VTI1A: variants seen among roughly 807,000 people sequenced by gnomAD.
VTI1A encodes the protein vesicle transport through interaction with t-SNAREs homolog 1A.
VTI1A carries 22 observed loss-of-function variants against 34.9 expected under a neutral mutation model. That is an observed-to-expected ratio of 0.63 (90% CI 0.45 to 0.90). VTI1A has a LOEUF of 0.90. Among genes scored for constraint, VTI1A ranks in the 40% least tolerant of loss-of-function variants. The pLI is 0.00. For synonymous variants in VTI1A, 87 were observed against 97.3 expected (o/e 0.89, Z 0.62); for missense variants, 268 against 275.6 (o/e 0.97, Z 0.20).
At chr10:112,682,956 C>T (rs1018391766) in intron 7 of VTI1A, among the ~76,000 whole-genome samples, 2 of 152,202 alleles carry the variant, frequency 1.3e-5, no homozygotes, top group Non-Finnish European at 2.9e-5. Context: ...GTTCCTCTTC[C>T]CTCTGCCCGC....
intron 5 of VTI1A, among the ~76,000 whole-genome samples, chr10:112,584,810 A>G (rs984831480): frequency 3.3e-5 from 5 of 152,218 alleles, no homozygotes; most frequent in Non-Finnish European, 7.3e-5. Context: ...GCCTCCTTAC[A>G]TGCAGTGAGT....
intron 7 of VTI1A, among the ~76,000 whole-genome samples, chr10:112,772,473 T>A (rs1279995248): frequency 6.6e-6 from 1 of 152,252 alleles, no homozygotes; most frequent in East Asian, 1.9e-4. Context: ...TCTGCAAACA[T>A]GTTCTCCTAT....
At chr10:112,784,291 CT>C (rs773916731) in intron 7 of VTI1A, among the ~76,000 whole-genome samples, 6 of 152,108 alleles carry the variant, frequency 3.9e-5, no homozygotes, top group African/African-American at 7.2e-5. Context: ...AAAGTAATTC[CT>C]GTTTTGTGAA....
At chr10:112,748,910 T>A (rs1199554829) in intron 7 of VTI1A, among the ~76,000 whole-genome samples, 1 of 152,192 alleles carries the variant, frequency 6.6e-6, no homozygotes, top group Non-Finnish European at 1.5e-5. Context: ...ATTACAGGCG[T>A]GAGCCACTGC....
At chr10:112,709,432 CCT>C (rs1283030547) in intron 7 of VTI1A, among the ~76,000 whole-genome samples, 1 of 152,074 alleles carries the variant, frequency 6.6e-6, no homozygotes, top group Admixed American at 6.5e-5. Flanking sequence ...TGCAATGCAG[CCT>C]CTACCTTCCT....
the VTI1A span, among the ~76,000 whole-genome samples, chr10:112,829,686 G>A: frequency 1.3e-5 from 2 of 152,206 alleles, no homozygotes; most frequent in South Asian, 4.1e-4. Flanking sequence ...CCCGGGAGGC[G>A]GAGGTTGCAG....
intron 3 of VTI1A, among the ~76,000 whole-genome samples, chr10:112,482,909 A>G (rs532308761): frequency 1.7e-4 from 26 of 152,328 alleles, no homozygotes; most frequent in African/African-American, 6.3e-4. Context: ...CACTAACTCA[A>G]GGTATTCTGT....
intron 7 of VTI1A, among the ~76,000 whole-genome samples, chr10:112,751,475 T>TAAAAA (rs11411829): frequency 3.0e-5 from 3 of 100,966 alleles, no homozygotes; most frequent in African/African-American, 1.1e-4. Context: ...ATTAACTGTT[T>TAAAAA]AAAAAAAAAA....
At chr10:112,519,794 T>C (rs1015994622) in intron 3 of VTI1A, among the ~76,000 whole-genome samples, 8 of 152,048 alleles carry the variant, frequency 5.3e-5, no homozygotes, top group Non-Finnish European at 1.2e-4. Flanking sequence ...TGAAACCTCA[T>C]GCGATAACTT....
At chr10:112,804,103 GGACTTATCAGTGGGCTCT>G (rs1852980362) in intron 7 of VTI1A, among the ~76,000 whole-genome samples, 1 of 152,218 alleles carries the variant, frequency 6.6e-6, no homozygotes, top group Non-Finnish European at 1.5e-5. Context: ...TAAACCCATC[GGACTTATCAGTGGGCTCT>G]GACAGGTACT....
intron 7 of VTI1A, among the ~76,000 whole-genome samples, chr10:112,806,373 C>T (rs994119406): frequency 1.3e-5 from 2 of 152,060 alleles, no homozygotes; most frequent in Non-Finnish European, 2.9e-5. Context: ...GCAACTTCCA[C>T]CTCCCGGGTT....
chr10:112,657,241 G>A (rs1847263662), intron 5 of VTI1A, among the ~76,000 whole-genome samples: 1 of 152,166 alleles, frequency 6.6e-6, no homozygotes, highest in Non-Finnish European at 1.5e-5. Context: ...GCATGTATGT[G>A]TAAGGCCTGT....
At chr10:112,586,423 A>C (rs1214394797) in intron 5 of VTI1A, among the ~76,000 whole-genome samples, 2 of 152,154 alleles carry the variant, frequency 1.3e-5, no homozygotes, top group African/African-American at 4.8e-5. Flanking sequence ...TAAAACTGAG[A>C]AGGAATAAGT....
chr10:112,692,717 A>T (rs563039948), intron 7 of VTI1A, among the ~76,000 whole-genome samples: 16 of 152,210 alleles, frequency 1.1e-4, no homozygotes, highest in Non-Finnish European at 2.4e-4. Context: ...TCACACGTTA[A>T]AATAGATGCA....
chr10:112,815,336 G>C lies in VTI1A; in HGVS notation c.607G>C (p.Val203Leu), dbSNP rs1265529709. 1 of 1,613,986 alleles carries C rather than the reference G, an allele frequency of 6.2e-7. No individual in the cohort carries two copies. The highest frequency in any genetic ancestry group is 8.5e-7 in the Non-Finnish European group (1 of 1,180,010). ...ILLVILGIIVVITILMAITFS... is the reference protein window; with the variant it reads ...ILLVILGIIVLITILMAITFS... ...GCTCGTCATCCTAGGGATCATCGTG[G>C]TCATCACCATCCTGATGGCGATCAC... Residue 203 changes from valine (V) to leucine (L), a missense_variant, in exon 8 of 8, where the codon GTC becomes CTC. Transcript: ENST00000393077.
chr10:112,449,434 G>A (rs1398809026), intron 1 of VTI1A: 2 of 152,170 alleles, frequency 1.3e-5, no homozygotes, highest in Non-Finnish European at 2.9e-5. Flanking sequence ...ACACATAGAA[G>A]GAAACTTTTT....
chr10:112,850,469 C>G, the VTI1A span, among the ~76,000 whole-genome samples: 61 of 152,080 alleles, frequency 4.0e-4, no homozygotes, highest in African/African-American at 1.4e-3. Context: ...GAGAGGTCCA[C>G]CTGACACCCC....
At chr10:112,490,586 C>G (rs1013446678) in intron 3 of VTI1A, among the ~76,000 whole-genome samples, 1 of 149,864 alleles carries the variant, frequency 6.7e-6, no homozygotes, top group Non-Finnish European at 1.5e-5. Context: ...GATTCTTAGT[C>G]TATAGTCCTT....
chr10:112,574,552 G>C (rs1183420681), intron 5 of VTI1A, among the ~76,000 whole-genome samples: 1 of 152,216 alleles, frequency 6.6e-6, no homozygotes, highest in Non-Finnish European at 1.5e-5. Context: ...GCTATGAGCT[G>C]TGTAACTTTG....
Sources: allele counts gnomAD v4.1 joint callset (sites outside exome capture counted in the v4.1 genomes callset), GRCh38; gene constraint gnomAD v4.1.1; transcripts MANE v1.5; gene names NCBI Gene and HGNC (gene_info 2026-07-23, HGNC 2026-07-21).